The following MRPL1 variants were observed in gnomAD, a reference collection of about 807,000 sequenced individuals.
MRPL1 encodes large ribosomal subunit protein uL1m.
MRPL1 carries 28 observed loss-of-function variants against 38.0 expected under a neutral mutation model. The ratio of observed to expected loss-of-function variants is 0.74; its 90% CI spans 0.55 to 1.01. MRPL1 has a LOEUF of 1.01. MRPL1 is among the 50% of genes least tolerant of loss of function. MRPL1 has a pLI of 0.00. For synonymous variants in MRPL1, 123 were observed against 126.7 expected, an observed-to-expected ratio of 0.97 and a Z score of 0.20; for missense variants, 358 against 389.8, an observed-to-expected ratio of 0.92 and a Z score of 0.69.
At chr4:77,903,499 A>G (rs1736082023) in intron 6 of MRPL1, among the ~76,000 whole-genome samples, 2 of 152,242 alleles carry the variant, frequency 1.3e-5, no homozygotes, top group African/African-American at 2.4e-5. Flanking sequence ...AAGGGCATAC[A>G]TAAGGGAAAG....
At chr4:77,918,600 G>A (rs1036740078) in intron 7 of MRPL1, among the ~76,000 whole-genome samples, 3 of 152,114 alleles carry the variant, frequency 2.0e-5, no homozygotes, top group Admixed American at 6.5e-5. Context: ...TTAGCTCAAG[G>A]TCTGTGTTTT....
At chr4:77,880,450 T>C (rs774601532) in intron 2 of MRPL1, among the ~76,000 whole-genome samples, 2 of 151,682 alleles carry the variant, frequency 1.3e-5, no homozygotes, top group African/African-American at 2.4e-5. Context: ...TAATCTAGGA[T>C]AACTCTCCAT....
At chr4:77,890,499 A>C (rs533071490) in intron 5 of MRPL1, among the ~76,000 whole-genome samples, 117 of 152,302 alleles carry the variant, frequency 7.7e-4, no homozygotes, top group Non-Finnish European at 7.4e-4. Flanking sequence ...AAACAATAAG[A>C]GCTATTTATG....
chr4:77,878,225 C>A (rs990116579), intron 2 of MRPL1, among the ~76,000 whole-genome samples: 1 of 152,142 alleles, frequency 6.6e-6, no homozygotes, highest in Non-Finnish European at 1.5e-5. Context: ...TGATTTTTAT[C>A]GAGCTCTTTC....
At chr4:77,922,605 AG>A (rs1736604876) in intron 7 of MRPL1, among the ~76,000 whole-genome samples, 1 of 152,238 alleles carries the variant, frequency 6.6e-6, no homozygotes, top group African/African-American at 2.4e-5. Context: ...ATTCATTAAC[AG>A]TGAAAGTGAT....
intron 1 of MRPL1, among the ~76,000 whole-genome samples, chr4:77,871,374 G>T (rs942002068): frequency 6.6e-6 from 1 of 150,912 alleles, no homozygotes; most frequent in Non-Finnish European, 1.5e-5. Context: ...GCGCTATATC[G>T]GCTCACTGCA....
chr4:77,890,314 A>G (rs1560463429), intron 5 of MRPL1, among the ~76,000 whole-genome samples: 1 of 152,218 alleles, frequency 6.6e-6, no homozygotes, highest in Non-Finnish European at 1.5e-5. Context: ...CATCCCTGGG[A>G]TGCAAGGCTG....
At chr4:77,913,821 T>G (rs1380564037) in intron 7 of MRPL1, among the ~76,000 whole-genome samples, 5 of 152,238 alleles carry the variant, frequency 3.3e-5, no homozygotes, top group Non-Finnish European at 7.3e-5. Context: ...TACTGATGGA[T>G]TTCAAAATAA....
intron 7 of MRPL1, among the ~76,000 whole-genome samples, chr4:77,934,636 C>CA (rs1308303365): frequency 2.6e-5 from 4 of 152,094 alleles, no homozygotes; most frequent in African/African-American, 4.8e-5. Flanking sequence ...TGGCAATTCT[C>CA]AAAAAATTAA....
chr4:77,870,726 G>T (rs1735262239), intron 1 of MRPL1, among the ~76,000 whole-genome samples: 1 of 152,154 alleles, frequency 6.6e-6, no homozygotes, highest in African/African-American at 2.4e-5. Context: ...TGGGGGCCAG[G>T]TGTAGGAGGA....
chr4:77,949,809 A>C lies in MRPL1; in HGVS notation c.790A>C (p.Ser264Arg), dbSNP rs1737365215. 1.9e-6 allele frequency: 3 copies of C among 1,606,960 alleles called. No individual in the cohort carries two copies. Among genetic ancestry groups the C allele is most frequent in the East Asian group, 2.2e-5 (1 of 44,648 alleles). Residue 264 changes from serine (S) to arginine (R), a missense_variant, in exon 8 of 9, where the codon AGT becomes CGT. Transcript: ENST00000315567. ...TATTTTCTTTCAGTTGGATATGTCA[A>C]GTGACCAGATAGCTGCCAATCTGCA... Reference protein sequence around the residue: ...QTKIATLDMSSDQIAANLQAV... With the variant: ...QTKIATLDMSRDQIAANLQAV...
chr4:77,893,632 G>A (rs977781906), intron 5 of MRPL1, among the ~76,000 whole-genome samples: 5 of 152,012 alleles, frequency 3.3e-5, no homozygotes, highest in East Asian at 1.9e-4. Context: ...CTTAGTTATC[G>A]GTGGTAAGGA....
intron 7 of MRPL1, among the ~76,000 whole-genome samples, chr4:77,948,969 C>T (rs1737342605): frequency 6.6e-6 from 1 of 152,146 alleles, no homozygotes; most frequent in African/African-American, 2.4e-5. Flanking sequence ...CAGGGTTTCA[C>T]CGTGTTGGCC....
At chr4:77,899,598 C>T (rs1735993319) in intron 6 of MRPL1, among the ~76,000 whole-genome samples, 1 of 151,996 alleles carries the variant, frequency 6.6e-6, no homozygotes, top group Non-Finnish European at 1.5e-5. Context: ...CTTGCAACTT[C>T]TTTCAGGAGG....
chr4:77,875,591 G>T (rs1735371258), intron 2 of MRPL1, among the ~76,000 whole-genome samples: 1 of 151,948 alleles, frequency 6.6e-6, no homozygotes, highest in Admixed American at 6.6e-5. Context: ...GGTGGAGGTT[G>T]CAGTGAGCCA....
chr4:77,950,988 A>G (rs1005737815), intron 8 of MRPL1, among the ~76,000 whole-genome samples: 1 of 152,202 alleles, frequency 6.6e-6, no homozygotes, highest in Non-Finnish European at 1.5e-5. Flanking sequence ...CTTCTGCCTC[A>G]GCCTCCCAAG....
chr4:77,925,502 C>T (rs78272702), intron 7 of MRPL1, among the ~76,000 whole-genome samples: 6,719 of 151,770 alleles, frequency 0.044, 183 homozygotes, highest in African/African-American at 0.072. Flanking sequence ...CCACTATGCC[C>T]GGCTAAGTAC....
chr4:77,915,507 C>T (rs1397875062), intron 7 of MRPL1, among the ~76,000 whole-genome samples: 2 of 152,152 alleles, frequency 1.3e-5, no homozygotes, highest in South Asian at 4.1e-4. Context: ...CCCTGCCAGG[C>T]TCAAGTGATC....
At chr4:77,944,224 TATG>T (rs1310944646) in intron 7 of MRPL1, among the ~76,000 whole-genome samples, 1 of 152,216 alleles carries the variant, frequency 6.6e-6, no homozygotes. Context: ...CACAGAGTAC[TATG>T]ATGTGAACTG....
Sources: gnomAD v4.1 joint callset for allele counts (sites outside exome capture counted in the v4.1 genomes callset) on GRCh38, gnomAD v4.1.1 for gene constraint, MANE v1.5 for transcripts, NCBI Gene and HGNC (gene_info 2026-07-23, HGNC 2026-07-21) for gene names.